RNLS: variants seen among roughly 807,000 people sequenced by gnomAD.
RNLS encodes renalase.
RNLS carries 39 observed loss-of-function variants against 39.8 expected under a neutral mutation model. The ratio of observed to expected loss-of-function variants is 0.98; its 90% CI spans 0.76 to 1.28. The LOEUF is 1.28. Among genes scored for constraint, RNLS ranks in the 50% most tolerant of loss-of-function variants. RNLS has a pLI of 0.00. For synonymous variants in RNLS, 147 were observed against 150.7 expected, an observed-to-expected ratio of 0.98 and a Z score of 0.18; for missense variants, 410 against 413.3, an observed-to-expected ratio of 0.99 and a Z score of 0.07.
At chr10:88,520,164 A>G (rs1236031461) in intron 4 of RNLS, among the ~76,000 whole-genome samples, 2 of 151,982 alleles carry the variant, frequency 1.3e-5, no homozygotes, top group Non-Finnish European at 2.9e-5. Flanking sequence ...AAGGCTCCCA[A>G]GACTTTAGTG....
intron 4 of RNLS, among the ~76,000 whole-genome samples, chr10:88,541,790 C>G (rs1022243747): frequency 1.3e-5 from 2 of 152,126 alleles, no homozygotes; most frequent in Non-Finnish European, 2.9e-5. Context: ...TTGTGCCCCT[C>G]TGGGTCAGTG....
At chr10:88,199,658 C>T in the RNLS span, among the ~76,000 whole-genome samples, 1 of 152,142 alleles carries the variant, frequency 6.6e-6, no homozygotes, top group Non-Finnish European at 1.5e-5. Flanking sequence ...AAAGCAAGAA[C>T]CAGAGGTGGG....
At chr10:88,319,017 C>T (rs750012916) in intron 5 of RNLS, among the ~76,000 whole-genome samples, 9 of 152,206 alleles carry the variant, frequency 5.9e-5, no homozygotes, top group Non-Finnish European at 1.3e-4. Context: ...AAATAAAACA[C>T]CTGCTGCCAG....
the RNLS span, among the ~76,000 whole-genome samples, chr10:88,175,653 T>G: frequency 5.8e-4 from 89 of 152,350 alleles, no homozygotes; most frequent in African/African-American, 2.0e-3. Context: ...ACTTGTTTTG[T>G]GGCCCATCAT....
chr10:88,213,972 C>G, the RNLS span, among the ~76,000 whole-genome samples: 2 of 152,130 alleles, frequency 1.3e-5, no homozygotes, highest in Non-Finnish European at 2.9e-5. Flanking sequence ...TGGGCTTACA[C>G]AAACTGGAAA....
intron 4 of RNLS, among the ~76,000 whole-genome samples, chr10:88,447,023 A>G (rs1194069667): frequency 6.6e-6 from 1 of 152,236 alleles, no homozygotes; most frequent in Non-Finnish European, 1.5e-5. Flanking sequence ...CAAAACAATA[A>G]GAGCTATTTA....
At chr10:88,562,820 T>G (rs921186228) in intron 4 of RNLS, among the ~76,000 whole-genome samples, 1 of 152,046 alleles carries the variant, frequency 6.6e-6, no homozygotes, top group Non-Finnish European at 1.5e-5. Context: ...ACAGCAGTTA[T>G]CTCAATAAAT....
At chr10:88,460,461 G>A (rs1309204813) in intron 4 of RNLS, among the ~76,000 whole-genome samples, 1 of 151,966 alleles carries the variant, frequency 6.6e-6, no homozygotes, top group Non-Finnish European at 1.5e-5. Context: ...ATCCACCTGA[G>A]GTCTCATCAA....
intron 4 of RNLS, among the ~76,000 whole-genome samples, chr10:88,378,735 C>CATA (rs1242134255): frequency 5.3e-5 from 8 of 152,208 alleles, no homozygotes; most frequent in Admixed American, 2.0e-4. Context: ...ACATGCTATA[C>CATA]ATACTTTGTT....
intron 4 of RNLS, among the ~76,000 whole-genome samples, chr10:88,477,347 G>A (rs1843876044): frequency 6.6e-6 from 1 of 152,072 alleles, no homozygotes; most frequent in Non-Finnish European, 1.5e-5. Context: ...GTGAAGTTAG[G>A]GATGAAGGTG....
At chr10:88,420,045 A>C (rs546516683) in intron 4 of RNLS, among the ~76,000 whole-genome samples, 35 of 107,672 alleles carry the variant, frequency 3.3e-4, no homozygotes, top group African/African-American at 1.2e-3. Context: ...TAAATAAATA[A>C]ATAAATAAAT....
At chr10:88,205,621 C>CCA in the RNLS span, among the ~76,000 whole-genome samples, 1 of 152,144 alleles carries the variant, frequency 6.6e-6, no homozygotes, top group South Asian at 2.1e-4. Flanking sequence ...TACTAGACTG[C>CCA]TGGTACAAAA....
chr10:88,310,145 G>A lies in RNLS; in HGVS notation c.876+4321C>T, dbSNP rs184157166. On this transcript the variant is annotated intron_variant, in intron 6 of 6. Coordinates refer to ENST00000331772, the MANE Select transcript of RNLS (RefSeq NM_001031709.3). The stretch of plus-strand genomic sequence containing the variant: ...GAGGATTGCTTGAGCCGGGGAAGTC[G>A]AGGCTGCAGTGAACTGAGGTCATAA... Among the ~76,000 whole-genome samples, 275 of 152,286 alleles carry A rather than the reference G, an allele frequency of 1.8e-3. 2 individuals carry two copies. The highest frequency in any genetic ancestry group is 6.2e-3 in the African/African-American group (259 of 41,566).
chr10:88,379,598 G>A (rs1247969796), intron 4 of RNLS, among the ~76,000 whole-genome samples: 2 of 152,138 alleles, frequency 1.3e-5, no homozygotes, highest in African/African-American at 2.4e-5. Flanking sequence ...AAAAATGGTT[G>A]CAACAATATC....
chr10:88,187,207 A>AATATATATAAT, the RNLS span, among the ~76,000 whole-genome samples: 24 of 87,880 alleles, frequency 2.7e-4, no homozygotes, highest in African/African-American at 1.1e-3. Context: ...ATATATATAT[A>AATATATATAAT]ATATATATAT....
chr10:88,328,591 T>A (rs895647567), intron 5 of RNLS, among the ~76,000 whole-genome samples: 5 of 152,192 alleles, frequency 3.3e-5, no homozygotes, highest in African/African-American at 1.2e-4. Flanking sequence ...CCTTCTACTA[T>A]CTTGGAAATT....
At position 88,353,304 on chromosome 10, in the gene RNLS, G is replaced by C. The variant is rs12254362; in HGVS notation, c.700+9248C>G. 4.2e-3 allele frequency among the ~76,000 whole-genome samples: 632 copies of C among 152,216 alleles called. 5 individuals are homozygous for C. The highest frequency in any genetic ancestry group is 0.014 in the African/African-American group (584 of 41,546). ...TCTAGTTCTTTTAATTGTGATGTTA[G>C]GGTGTCAATTTTAGATCTTTCCTGC... On this transcript the variant is annotated intron_variant, in intron 5 of 6. Coordinates refer to ENST00000331772, the MANE Select transcript of RNLS (RefSeq NM_001031709.3).
intron 4 of RNLS, among the ~76,000 whole-genome samples, chr10:88,447,109 G>A (rs551494696): frequency 1.4e-4 from 21 of 152,298 alleles, no homozygotes; most frequent in African/African-American, 4.6e-4. Flanking sequence ...GCACACGACA[G>A]GGATGTCCTC....
chr10:88,560,466 C>T (rs1408446392), intron 4 of RNLS, among the ~76,000 whole-genome samples: 1 of 152,126 alleles, frequency 6.6e-6, no homozygotes, highest in Non-Finnish European at 1.5e-5. Context: ...CCCCACAGCC[C>T]AGGCAATATA....
Sources: allele counts gnomAD v4.1 joint callset (sites outside exome capture counted in the v4.1 genomes callset), GRCh38; gene constraint gnomAD v4.1.1; transcripts MANE v1.5; gene names NCBI Gene and HGNC (gene_info 2026-07-23, HGNC 2026-07-21).